Variants in ARHGAP22 observed in about 807,000 individuals in gnomAD.
ARHGAP22 encodes rho GTPase-activating protein 22.
A neutral mutation model predicts 59.1 loss-of-function variants in ARHGAP22; 48 were observed. The observed-to-expected ratio is 0.81, with a 90% CI of 0.64 to 1.03. ARHGAP22 has a LOEUF of 1.03. Ranked by LOEUF, ARHGAP22 falls within the 50% of genes least tolerant of loss-of-function variation. The pLI, the probability that ARHGAP22 is intolerant of heterozygous loss-of-function variation, is 0.00. For synonymous variants in ARHGAP22, 445 were observed against 416.4 expected (o/e 1.07, Z -0.84); for missense variants, 1,015 against 958.7 (o/e 1.06, Z -0.78).
At chr10:48,654,704 AGGAGAGAGAG>A (rs2062689270), upstream of ARHGAP22, among the ~76,000 whole-genome samples, 2 of 151,954 alleles carry the variant, frequency 1.3e-5, no homozygotes, top group Non-Finnish European at 2.9e-5. Flanking sequence ...GCTGTATGAG[AGGAGAGAGAG>A]GGAGAGAGAG....
intron 2 of ARHGAP22, among the ~76,000 whole-genome samples, chr10:48,580,858 A>G (rs1034293994): frequency 8.1e-6 from 1 of 123,060 alleles, no homozygotes; most frequent in Non-Finnish European, 1.9e-5. Flanking sequence ...TGTGTATGTT[A>G]TACAATTTAA....
intron 5 of ARHGAP22, among the ~76,000 whole-genome samples, chr10:48,457,132 C>A (rs1016234705): frequency 3.9e-5 from 6 of 152,152 alleles, no homozygotes; most frequent in African/African-American, 1.4e-4. Flanking sequence ...GGTGACCCTC[C>A]ATCTGCAGGT....
intron 3 of ARHGAP22, among the ~76,000 whole-genome samples, chr10:48,553,919 C>T (rs966045538): frequency 1.3e-5 from 2 of 152,152 alleles, no homozygotes; most frequent in African/African-American, 2.4e-5. Flanking sequence ...TACCCCTGTC[C>T]CCAGAGCCAG....
chr10:48,588,529 A>G (rs2059564191), intron 1 of ARHGAP22, among the ~76,000 whole-genome samples: 1 of 152,176 alleles, frequency 6.6e-6, no homozygotes, highest in South Asian at 2.1e-4. Context: ...CAGCTCTGGC[A>G]TTCTAAGTCT....
rs1430101553 is a variant in ARHGAP22 at position 48,451,632 on chromosome 10, T to C, written c.989-492A>G. Reference sequence around the variant, plus strand: ...CCTGTGTGGGGGCACACACATACAATTGCACACACAATGCACCCCGCCCAC... The same window carrying C: ...CCTGTGTGGGGGCACACACATACAACTGCACACACAATGCACCCCGCCCAC... On this transcript the variant is annotated intron_variant, in intron 8 of 9. Coordinates refer to ENST00000249601, the MANE Select transcript of ARHGAP22 (RefSeq NM_021226.4). The C allele has an allele frequency of 1.5e-5, 10 of 684,336 alleles. No homozygotes were observed. The East Asian group carries it at 2.4e-4, about 17-fold the overall frequency. The allele number at this position is 684,336 out of a possible 1,614,324, so 42.4% of individuals were successfully genotyped here. A position where few individuals can be genotyped will look rare whatever the true frequency, so the allele number is the denominator to read the frequency against.
chr10:48,601,262 G>A (rs2060363383), intron 1 of ARHGAP22, among the ~76,000 whole-genome samples: 1 of 152,148 alleles, frequency 6.6e-6, no homozygotes, highest in African/African-American at 2.4e-5. Context: ...TGTCCCTGAA[G>A]GGCAGAATCT....
chr10:48,457,199 A>G (rs2046621261), intron 5 of ARHGAP22, among the ~76,000 whole-genome samples: 1 of 152,048 alleles, frequency 6.6e-6, no homozygotes, highest in African/African-American at 2.4e-5. Context: ...ACCGGCATCT[A>G]TGCAGAACAC....
intron 2 of ARHGAP22, among the ~76,000 whole-genome samples, chr10:48,576,900 C>T (rs1226587269): frequency 6.6e-6 from 1 of 151,106 alleles, no homozygotes; most frequent in African/African-American, 2.5e-5. Flanking sequence ...TCCACTCACC[C>T]ATCCCTCCCC....
intron 2 of ARHGAP22, among the ~76,000 whole-genome samples, chr10:48,578,524 ATGTG>A (rs3076347): frequency 0.029 from 4,307 of 150,058 alleles, 203 homozygotes; most frequent in African/African-American, 0.094. Flanking sequence ...TATGCAGTGT[ATGTG>A]TGTGTGTGTG....
At chr10:48,523,349 C>T (rs1206547931) in intron 3 of ARHGAP22, among the ~76,000 whole-genome samples, 1 of 152,240 alleles carries the variant, frequency 6.6e-6, no homozygotes, top group African/African-American at 2.4e-5. Context: ...TAAAGGGATG[C>T]ACCACTATGT....
At chr10:48,543,807 C>A (rs1055587990) in intron 3 of ARHGAP22, among the ~76,000 whole-genome samples, 2 of 151,892 alleles carry the variant, frequency 1.3e-5, no homozygotes, top group Admixed American at 6.6e-5. Flanking sequence ...TTGTCTATGA[C>A]AGATAAAAGA....
chr10:48,624,027 C>T (rs1386161316), intron 1 of ARHGAP22: 2 of 152,238 alleles, frequency 1.3e-5, no homozygotes, highest in Non-Finnish European at 2.9e-5. Flanking sequence ...CCTGCTTGGC[C>T]ACTGATGAGC....
chr10:48,642,941 C>G (rs1303897391), intron 1 of ARHGAP22, among the ~76,000 whole-genome samples: 1 of 152,186 alleles, frequency 6.6e-6, no homozygotes. Context: ...TATGAACAGA[C>G]TTTTCTCAAA....
chr10:48,629,314 T>G (rs1589238482), intron 1 of ARHGAP22, among the ~76,000 whole-genome samples: 1 of 152,354 alleles, frequency 6.6e-6, no homozygotes, highest in East Asian at 1.9e-4. Context: ...CAGTCTGATT[T>G]TGCCTTTTGC....
chr10:48,568,557 G>A (rs1014413402), intron 2 of ARHGAP22, among the ~76,000 whole-genome samples: 1 of 152,224 alleles, frequency 6.6e-6, no homozygotes, highest in African/African-American at 2.4e-5. Context: ...AGCCCTCAGA[G>A]GGCACATGCG....
intron 3 of ARHGAP22, among the ~76,000 whole-genome samples, chr10:48,553,752 G>T (rs2057088939): frequency 6.6e-6 from 1 of 152,206 alleles, no homozygotes; most frequent in Non-Finnish European, 1.5e-5. Flanking sequence ...CCACTGGCAA[G>T]AGTCAAATAA....
chr10:48,498,967 C>G (rs1240658593), intron 3 of ARHGAP22, among the ~76,000 whole-genome samples: 2 of 151,894 alleles, frequency 1.3e-5, no homozygotes, highest in East Asian at 3.9e-4. Flanking sequence ...AGAAAGGCTC[C>G]CTCCTGTCTA....
intron 3 of ARHGAP22, among the ~76,000 whole-genome samples, chr10:48,510,215 A>G (rs1032020839): frequency 6.6e-6 from 1 of 152,148 alleles, no homozygotes; most frequent in African/African-American, 2.4e-5. Context: ...GATTTAGCGC[A>G]TGAGCATGCT....
At chr10:48,463,245 C>A (rs1395980368) in intron 4 of ARHGAP22, among the ~76,000 whole-genome samples, 1 of 152,230 alleles carries the variant, frequency 6.6e-6, no homozygotes, top group East Asian at 1.9e-4. Context: ...CAACCTGGCC[C>A]ATGCTCCTCT....
Sources: gnomAD v4.1 joint callset for allele counts (sites outside exome capture counted in the v4.1 genomes callset) on GRCh38, gnomAD v4.1.1 for gene constraint, MANE v1.5 for transcripts, NCBI Gene and HGNC (gene_info 2026-07-23, HGNC 2026-07-21) for gene names.